The following THADA variants were observed in gnomAD, a reference collection of about 807,000 sequenced individuals.
THADA encodes THADA armadillo repeat containing, also known as tRNA (32-2'-O)-methyltransferase regulator THADA.
In THADA, 213 loss-of-function variants were observed where a neutral mutation model predicts 219.8. That is an observed-to-expected ratio of 0.97 (90% CI 0.87 to 1.09). The LOEUF is 1.09. Among genes scored for constraint, THADA ranks in the 50% least tolerant of loss-of-function variants. The pLI is 0.00. For synonymous variants in THADA, 1,018 were observed against 828.9 expected (o/e 1.23, Z -3.92); for missense variants, 2,956 against 2,311.3 (o/e 1.28, Z -5.72).
intron 36 of THADA, among the ~76,000 whole-genome samples, chr2:43,274,099 CCA>C (rs1184237062): frequency 6.6e-6 from 1 of 152,134 alleles, no homozygotes; most frequent in Non-Finnish European, 1.5e-5. Context: ...GGTCACCATG[CCA>C]AGCACAGGAG....
Position 43,581,922 on chromosome 2 carries a change from A to C in THADA, c.540T>G (p.Cys180Trp), listed in dbSNP as rs368526940. The C allele has an allele frequency of 6.5e-7, 1 of 1,527,776 alleles. No homozygotes were observed. Among genetic ancestry groups the C allele is most frequent in the East Asian group, 2.4e-5 (1 of 41,028 alleles). The allele number at this position is 1,527,776 out of a possible 1,614,324, so 94.6% of individuals were successfully genotyped here. A position where few individuals can be genotyped will look rare whatever the true frequency, so the allele number is the denominator to read the frequency against. Residue 180 changes from cysteine to tryptophan, a missense_variant, in exon 8 of 38, where the codon TGT (cysteine) becomes TGG (tryptophan). Cys to Trp is a radical substitution (Grantham distance 215, BLOSUM62 -2). Coordinates refer to ENST00000405975, the MANE Select transcript of THADA (RefSeq NM_022065.5). ...LIEILEENRK[C>W]AGNHIIQTQL... ...GTGTTTGAATAATATGATTTCCAGC[A>C]CATTTTCTATAAAGAAGAAAAGACA... is the stretch of plus-strand genomic sequence containing the variant.
intron 17 of THADA, among the ~76,000 whole-genome samples, chr2:43,553,968 T>C (rs1311915780): frequency 2.0e-5 from 3 of 152,244 alleles, no homozygotes; most frequent in East Asian, 3.8e-4. Flanking sequence ...AATGTGGTTA[T>C]GTCCTTTTAT....
At chr2:43,310,231 C>CG (rs938966285) in intron 31 of THADA, among the ~76,000 whole-genome samples, 2 of 124,918 alleles carry the variant, frequency 1.6e-5, no homozygotes, top group South Asian at 3.3e-4. Flanking sequence ...TTCCCGCCCC[C>CG]CCCCCAAACA....
intron 28 of THADA, among the ~76,000 whole-genome samples, chr2:43,417,130 C>T (rs1677095279): frequency 1.5e-5 from 2 of 135,148 alleles, no homozygotes; most frequent in Non-Finnish European, 3.1e-5. Context: ...TGTGAAAGTA[C>T]ACTCTAAACT....
At chr2:43,498,144 T>C (rs181891757) in intron 25 of THADA, among the ~76,000 whole-genome samples, 2 of 151,852 alleles carry the variant, frequency 1.3e-5, no homozygotes, top group East Asian at 1.9e-4. Flanking sequence ...AGGACAAATA[T>C]TGTACGATTC....
At chr2:43,584,037 T>TAAAAAAAAAAA (rs536050936) in intron 7 of THADA, among the ~76,000 whole-genome samples, 1 of 65,580 alleles carries the variant, frequency 1.5e-5, no homozygotes, top group African/African-American at 5.9e-5. Flanking sequence ...TTGTCTCAAT[T>TAAAAAAAAAAA]AAAAAAAAAA....
intron 35 of THADA, 114 bp from the exon 36 acceptor site, chr2:43,280,010 C>CT (rs1458481210): frequency 6.6e-6 from 7 of 1,057,594 alleles, no homozygotes; most frequent in Non-Finnish European, 8.9e-6. Flanking sequence ...ACAGCTATCT[C>CT]TTTTTTTCTG....
Position 43,352,138 on chromosome 2 carries a change from C to A in THADA, c.4228-7901G>T, listed in dbSNP as rs575604837. Among the ~76,000 whole-genome samples the A allele has an allele frequency of 2.3e-3, 352 of 152,270 alleles. 1 individual carries two copies. Among genetic ancestry groups the A allele is most frequent in the Middle Eastern group, 0.01 (3 of 294 alleles). The stretch of plus-strand genomic sequence containing the variant: ...TTTGTAAAATAAATCTGTCTAAATT[C>A]TTTAGGAAGAGCTGTTTATATTTGA... On this transcript the variant is annotated intron_variant, in intron 29 of 37. Transcript: ENST00000405975.
intron 37 of THADA, among the ~76,000 whole-genome samples, chr2:43,231,936 C>G (rs1667472304): frequency 6.7e-6 from 1 of 150,290 alleles, no homozygotes; most frequent in African/African-American, 2.5e-5. Flanking sequence ...AATTTCAGTT[C>G]TCAGGATGCT....
intron 26 of THADA, among the ~76,000 whole-genome samples, chr2:43,460,238 TAAAAAA>T (rs10560565): frequency 0.16 from 10,306 of 63,904 alleles, 198 homozygotes; most frequent in African/African-American, 0.21. Context: ...TTTCTCTTAA[TAAAAAA>T]AAAAAAAAAA....
chr2:43,458,987 G>A (rs1325975451), intron 26 of THADA, among the ~76,000 whole-genome samples: 1 of 152,018 alleles, frequency 6.6e-6, no homozygotes, highest in Non-Finnish European at 1.5e-5. Flanking sequence ...GAAAAGTCTA[G>A]GTACCACTTG....
At chr2:43,345,781 C>CT (rs1667569506) in intron 29 of THADA, among the ~76,000 whole-genome samples, 1 of 152,190 alleles carries the variant, frequency 6.6e-6, no homozygotes, top group African/African-American at 2.4e-5. Context: ...AATCAGCAGA[C>CT]ACCAGCAAAA....
At position 43,410,011 on chromosome 2, in the gene THADA, C is replaced by T. The variant is rs116553244; in HGVS notation, c.4059-11872G>A. 4.2e-3 allele frequency among the ~76,000 whole-genome samples: 622 copies of T among 146,504 alleles called. 4 individuals are homozygous for T. Among genetic ancestry groups the T allele is most frequent in the African/African-American group, 0.015 (580 of 39,670 alleles). ...CAGCTAGGGTGTCAGATCAAGATCTCATCTCTTAAAAAAAAAAAAAAAATA... is the reference window on the plus strand; with the variant it reads ...CAGCTAGGGTGTCAGATCAAGATCTTATCTCTTAAAAAAAAAAAAAAAATA... On this transcript the variant is annotated intron_variant, in intron 28 of 37. Coordinates refer to ENST00000405975, the MANE Select transcript of THADA (RefSeq NM_022065.5).
At chr2:43,327,523 G>C (rs1679474989) in intron 30 of THADA, among the ~76,000 whole-genome samples, 1 of 152,228 alleles carries the variant, frequency 6.6e-6, no homozygotes, top group African/African-American at 2.4e-5. Flanking sequence ...GGTTGAAAAA[G>C]GGGAAATTAG....
intron 26 of THADA, among the ~76,000 whole-genome samples, chr2:43,474,051 C>T (rs189112549): frequency 1.1e-3 from 165 of 152,216 alleles, no homozygotes; most frequent in Admixed American, 8.7e-3. Context: ...ATGGAACCAT[C>T]GTCATATATG....
chr2:43,468,121 A>G (rs1055136110), intron 26 of THADA, among the ~76,000 whole-genome samples: 1 of 152,060 alleles, frequency 6.6e-6, no homozygotes, highest in African/African-American at 2.4e-5. Context: ...TTTATCCAGG[A>G]TATTTTTTGT....
intron 30 of THADA, among the ~76,000 whole-genome samples, chr2:43,331,376 A>G (rs879835552): frequency 2.6e-5 from 4 of 152,232 alleles, no homozygotes; most frequent in Non-Finnish European, 5.9e-5. Flanking sequence ...AATCCTTAAG[A>G]GAGACTAGAA....
intron 31 of THADA, 129 bp from the exon 32 acceptor site, chr2:43,293,342 C>T (rs1029729124): frequency 1.9e-6 from 2 of 1,043,192 alleles, no homozygotes; most frequent in Admixed American, 2.8e-5. Flanking sequence ...ATTTCAAACA[C>T]TGTCATAAGT....
chr2:43,501,640 A>G (rs928160045), intron 24 of THADA, among the ~76,000 whole-genome samples: 5 of 152,096 alleles, frequency 3.3e-5, no homozygotes, highest in Non-Finnish European at 5.9e-5. Flanking sequence ...ATAAAGACAT[A>G]ATAATTAAAC....
Sources: gnomAD v4.1 joint callset for allele counts (sites outside exome capture counted in the v4.1 genomes callset) on GRCh38, gnomAD v4.1.1 for gene constraint, MANE v1.5 for transcripts, NCBI Gene and HGNC (gene_info 2026-07-23, HGNC 2026-07-21) for gene names.